CHUK: variants seen among roughly 807,000 people sequenced by gnomAD.
CHUK encodes inhibitor of nuclear factor kappa-B kinase subunit alpha.
Under a neutral mutation model 104.8 loss-of-function variants are expected in CHUK, and 35 were observed. That is an observed-to-expected ratio of 0.33 (90% confidence interval 0.26 to 0.44). CHUK has a LOEUF of 0.44. Among genes scored for constraint, CHUK ranks in the 20% least tolerant of loss-of-function variants. The pLI, the probability that CHUK is intolerant of heterozygous loss-of-function variation, is 1.00. For missense variants in CHUK, 663 were observed against 902.7 expected, an observed-to-expected ratio of 0.73 and a Z score of 3.40; for synonymous variants, 276 against 291.9, an observed-to-expected ratio of 0.95 and a Z score of 0.56.
intron 2 of CHUK, among the ~76,000 whole-genome samples, chr10:100,225,674 A>T (rs1310955993): frequency 6.6e-6 from 1 of 152,222 alleles, no homozygotes; most frequent in Admixed American, 6.5e-5. Context: ...GAATCACCGT[A>T]CTGTTTTCCG....
In CHUK at chr10:100,219,034, A is replaced by G. The variant is rs1845925844; in HGVS notation, c.663T>C (p.Phe221=). ...AGGTAAATGGCTGCAGATGATGCAA[A>G]AAAGGCCTATATCCAGCAATACATT... ...VFECIAGYRP[F]LHHLQPFTWH... The change falls in exon 7 of 21, where the codon TTT becomes TTC. Residue 221 remains phenylalanine (F), a synonymous_variant. Coordinates refer to ENST00000370397, the MANE Select transcript of CHUK (RefSeq NM_001278.5). 6.2e-7 allele frequency: 1 copy of G among 1,614,068 alleles called. No homozygotes were observed. The highest frequency in any genetic ancestry group is 1.1e-5 in the South Asian group (1 of 91,074).
At chr10:100,205,563 C>T (rs1159753244) in intron 11 of CHUK, among the ~76,000 whole-genome samples, 1 of 152,132 alleles carries the variant, frequency 6.6e-6, no homozygotes, top group Admixed American at 6.5e-5. Context: ...AAATCAAGTC[C>T]CATCTCCTCT....
chr10:100,220,067 T>C (rs917303314), intron 5 of CHUK, among the ~76,000 whole-genome samples: 15 of 152,298 alleles, frequency 9.8e-5, no homozygotes, highest in African/African-American at 3.4e-4. Flanking sequence ...AAGTTACCAA[T>C]GAAATGAACA....
rs753867629 is a variant in CHUK at position 100,209,718 on chromosome 10, AT to A, written c.1004del (p.His335LeufsTer13). The A allele has an allele frequency of 6.4e-7, 1 of 1,567,754 alleles. No homozygotes were observed. Among genetic ancestry groups the A allele is most frequent in the Non-Finnish European group, 8.8e-7 (1 of 1,137,816 alleles). On this transcript the variant is annotated frameshift_variant, in exon 10 of 21. Coordinates refer to ENST00000370397, the MANE Select transcript of CHUK (RefSeq NM_001278.5). LOFTEE classifies it high-confidence loss of function. ...CACGCTCAATACGAGACTGTAGTGA[AT>A]GAAGACTTTCATCAGGTGGTAACAG... The part of the protein sequence containing the change: ...SFLLPPDESL[H>X]SLQSRIERET...
At chr10:100,188,110 G>A (rs1345288954), downstream of CHUK, 3 of 152,216 alleles carry the variant, frequency 2.0e-5, no homozygotes, top group South Asian at 2.1e-4. Flanking sequence ...TGGGGATGGT[G>A]GGGCTGTGAC....
At chr10:100,199,602 C>A (rs929069591) in intron 16 of CHUK, among the ~76,000 whole-genome samples, 2 of 152,212 alleles carry the variant, frequency 1.3e-5, no homozygotes, top group African/African-American at 4.8e-5. Flanking sequence ...GCTGGGATTA[C>A]AGGCATGAGC....
intron 9 of CHUK, among the ~76,000 whole-genome samples, chr10:100,216,114 A>G (rs1350467390): frequency 1.3e-5 from 2 of 152,188 alleles, no homozygotes; most frequent in East Asian, 3.8e-4. Flanking sequence ...TGTAAACTAT[A>G]AACTCCATAA....
chr10:100,192,088 A>T (rs1845218969), intron 19 of CHUK, among the ~76,000 whole-genome samples: 1 of 152,252 alleles, frequency 6.6e-6, no homozygotes, highest in Non-Finnish European at 1.5e-5. Context: ...ACTGCACTCC[A>T]GCCTGGGCGA....
At chr10:100,225,206 T>C (rs377599722) in intron 2 of CHUK, among the ~76,000 whole-genome samples, 1 of 152,208 alleles carries the variant, frequency 6.6e-6, no homozygotes, top group Non-Finnish European at 1.5e-5. Flanking sequence ...CAAAACTGTT[T>C]AATTCTGCAA....
chr10:100,187,701 C>T (rs1423612868), downstream of CHUK: 1 of 152,320 alleles, frequency 6.6e-6, no homozygotes, highest in African/African-American at 2.4e-5. Context: ...TTCTGACTCA[C>T]ACCATCTGCC....
intron 16 of CHUK, among the ~76,000 whole-genome samples, chr10:100,198,077 C>T (rs1845378713): frequency 1.3e-5 from 2 of 152,088 alleles, no homozygotes; most frequent in Non-Finnish European, 2.9e-5. Flanking sequence ...ACAAATACTG[C>T]TTTTTTCCCT....
In CHUK at chr10:100,219,095, G is replaced by C. The variant is rs540633699; in HGVS notation, c.602C>G (p.Thr201Ser). The change falls in exon 7 of 21, where the codon ACT (threonine) becomes AGT (serine). Residue 201 changes from threonine (T) to serine (S), a missense_variant. By Grantham distance (58) the Thr-to-Ser change is moderately conservative. Transcript: ENST00000370397. The stretch of plus-strand genomic sequence containing the variant: ...GGTCCCAAAGCTCCAATAATCAACA[G>C]TGGCTGTGTAAGGCTTATTCTCAAA... ...ELFENKPYTA[T>S]VDYWSFGTMV... 4.3e-6 allele frequency: 7 copies of C among 1,613,654 alleles called. No individual in the cohort carries two copies. In the Admixed American group the frequency reaches 1.2e-4, roughly 27 times the overall value.
At chr10:100,186,955 C>G (rs886454113), downstream of CHUK, 1 of 152,168 alleles carries the variant, frequency 6.6e-6, no homozygotes, top group African/African-American at 2.4e-5. Flanking sequence ...GCATTAGATT[C>G]TCACAGGGAG....
chr10:100,225,955 T>C lies in CHUK; in HGVS notation c.168A>G (p.Glu56=). 1 of 1,608,238 alleles carries C rather than the reference T, an allele frequency of 6.2e-7. No homozygotes were observed. Among genetic ancestry groups the C allele is most frequent in the South Asian group, 1.1e-5 (1 of 90,968 alleles). Residue 56 remains glutamate, a synonymous_variant, in exon 2 of 21, where the codon GAA becomes GAG. Coordinates refer to ENST00000370397, the MANE Select transcript of CHUK (RefSeq NM_001278.5). ...CRLELSTKNR[E]RWCHEIQIMK... is the part of the protein sequence containing the mutation. ...TAATCTGGATTTCATGGCACCATCG[T>C]TCTCTGTTTTTGGTACTTAGCTCTA...
chr10:100,186,971 A>G (rs1845038517), downstream of CHUK: 1 of 152,228 alleles, frequency 6.6e-6, no homozygotes, highest in Non-Finnish European at 1.5e-5. Flanking sequence ...GGGAGCCGGC[A>G]AACCTCACAT....
At chr10:100,202,574 G>A (rs1422007100) in intron 13 of CHUK, among the ~76,000 whole-genome samples, 2 of 152,108 alleles carry the variant, frequency 1.3e-5, no homozygotes, top group African/African-American at 4.8e-5. Flanking sequence ...GAGAAAACAT[G>A]GCCCTGCCAA....
intron 20 of CHUK, chr10:100,190,186 C>A: frequency 6.5e-6 from 1 of 154,224 alleles, no homozygotes; most frequent in Non-Finnish European, 1.4e-5. Flanking sequence ...CACACCTGGC[C>A]AATTTTTATA....
In CHUK at chr10:100,229,541, A is replaced by T. The variant is rs1370179226; in HGVS notation, c.-9T>A. On this transcript the variant is annotated 5_prime_UTR_variant, in exon 1 of 21. Transcript: ENST00000370397. ...CCCGGGGGCCGCTCCATGGGGCGGG[A>T]GGGCAAGCGGCCTCAGGTTCCACAG... 1.3e-6 allele frequency: 2 copies of T among 1,518,944 alleles called. No homozygotes were observed. Among genetic ancestry groups the T allele is most frequent in the African/African-American group, 2.8e-5 (2 of 72,510 alleles). The allele number at this position is 1,518,944 out of a possible 1,614,324, so 94.1% of individuals were successfully genotyped here.
At chr10:100,192,851 A>C (rs963519407) in intron 19 of CHUK, 1 of 523,606 alleles carries the variant, frequency 1.9e-6, no homozygotes, top group African/African-American at 2.1e-5. Flanking sequence ...AGATCTCAAA[A>C]ATTTATTAGA....
Sources: allele counts gnomAD v4.1 joint callset (sites outside exome capture counted in the v4.1 genomes callset), GRCh38; gene constraint gnomAD v4.1.1; transcripts MANE v1.5; gene names NCBI Gene and HGNC (gene_info 2026-07-23, HGNC 2026-07-21).